The following SRRM4 variants were observed in gnomAD, a reference collection of about 807,000 sequenced individuals.
SRRM4 encodes serine/arginine repetitive matrix 4, also known as serine/arginine repetitive matrix protein 4.
In SRRM4, 33 loss-of-function variants were observed where a neutral mutation model predicts 68.9. The observed-to-expected ratio is 0.48, with a 90% CI of 0.36 to 0.64. SRRM4 has a LOEUF of 0.64. Among genes scored for constraint, SRRM4 ranks in the 30% least tolerant of loss-of-function variants. SRRM4 has a pLI of 0.00. For missense variants in SRRM4, 817 were observed against 827.1 expected (o/e 0.99, Z 0.15); for synonymous variants, 318 against 318.8 (o/e 1.00, Z 0.03).
At chr12:119,012,410 G>A (rs990102886) in intron 1 of SRRM4, among the ~76,000 whole-genome samples, 1 of 152,184 alleles carries the variant, frequency 6.6e-6, no homozygotes, top group Non-Finnish European at 1.5e-5. Context: ...ACATTCCTCA[G>A]AGACAAAGCT....
At chr12:119,014,047 A>T (rs998352393) in intron 1 of SRRM4, among the ~76,000 whole-genome samples, 2 of 152,084 alleles carry the variant, frequency 1.3e-5, no homozygotes, top group African/African-American at 4.8e-5. Context: ...AAGCTCTTTC[A>T]TCTATCCATT....
intron 1 of SRRM4, among the ~76,000 whole-genome samples, chr12:119,089,742 T>C (rs918380740): frequency 3.3e-5 from 3 of 91,826 alleles, no homozygotes; most frequent in African/African-American, 1.3e-4. Context: ...GCCATCATCC[T>C]CAATATCATC....
chr12:119,054,710 T>A (rs1204677770), intron 1 of SRRM4, among the ~76,000 whole-genome samples: 1 of 152,200 alleles, frequency 6.6e-6, no homozygotes. Context: ...TCCAGATAGA[T>A]CCAGGAGCTA....
At chr12:119,145,302 G>T (rs1954394063) in intron 8 of SRRM4, 79 bp from the exon 9 acceptor site, 5 of 1,241,034 alleles carry the variant, frequency 4.0e-6, no homozygotes, top group Non-Finnish European at 5.6e-6. Flanking sequence ...GCATCATGAC[G>T]GTAAACATTT....
intron 1 of SRRM4, chr12:119,000,864 C>T (rs147062501): frequency 6.6e-6 from 1 of 152,174 alleles, no homozygotes; most frequent in Non-Finnish European, 1.5e-5. Context: ...TCTTTCATTT[C>T]CTATCCTCTT....
At chr12:119,053,320 G>A (rs550414128) in intron 1 of SRRM4, among the ~76,000 whole-genome samples, 1 of 152,148 alleles carries the variant, frequency 6.6e-6, no homozygotes, top group South Asian at 2.1e-4. Context: ...CATGTATCAA[G>A]TTAAAAAGTA....
chr12:118,995,409 T>C (rs1953342954), intron 1 of SRRM4, among the ~76,000 whole-genome samples: 1 of 152,204 alleles, frequency 6.6e-6, no homozygotes, highest in Non-Finnish European at 1.5e-5. Context: ...AGGAGCACCA[T>C]ATGGAAACTA....
At chr12:119,124,847 C>A (rs547938300) in intron 6 of SRRM4, among the ~76,000 whole-genome samples, 4 of 152,214 alleles carry the variant, frequency 2.6e-5, no homozygotes, top group African/African-American at 9.6e-5. Flanking sequence ...AAATAAGCTT[C>A]CATTTAAAAT....
At chr12:119,026,697 C>T (rs1953550773) in intron 1 of SRRM4, among the ~76,000 whole-genome samples, 2 of 152,028 alleles carry the variant, frequency 1.3e-5, no homozygotes, top group Non-Finnish European at 2.9e-5. Flanking sequence ...TACCAGCGTG[C>T]ACCACCTCAC....
At chr12:119,090,216 CCAT>C (rs1226558657) in intron 1 of SRRM4, among the ~76,000 whole-genome samples, 1 of 151,984 alleles carries the variant, frequency 6.6e-6, no homozygotes, top group African/African-American at 2.4e-5. Flanking sequence ...AAATACTTAA[CCAT>C]CATTTTGCAT....
intron 8 of SRRM4, among the ~76,000 whole-genome samples, chr12:119,137,728 T>C (rs1018716407): frequency 1.3e-5 from 2 of 152,052 alleles, no homozygotes; most frequent in African/African-American, 4.8e-5. Context: ...GAAAAACATT[T>C]TGTATTTAAA....
chr12:119,093,541 A>G (rs11064659), intron 1 of SRRM4, among the ~76,000 whole-genome samples: 32,316 of 152,128 alleles, frequency 0.21, 4,140 homozygotes, highest in South Asian at 0.28. Context: ...GCAAGAAAAC[A>G]TAATTAGCAA....
At chr12:119,012,143 C>T (rs1953453313) in intron 1 of SRRM4, among the ~76,000 whole-genome samples, 1 of 152,186 alleles carries the variant, frequency 6.6e-6, no homozygotes, top group South Asian at 2.1e-4. Context: ...TTTTCTTTTT[C>T]ACCTCCCTGG....
intron 1 of SRRM4, among the ~76,000 whole-genome samples, chr12:119,101,709 A>G (rs1954078747): frequency 6.6e-6 from 1 of 152,112 alleles, no homozygotes; most frequent in Admixed American, 6.5e-5. Context: ...ACATATAGGT[A>G]GTCCATACAG....
chr12:119,042,963 C>T (rs769784445), intron 1 of SRRM4, among the ~76,000 whole-genome samples: 2 of 152,082 alleles, frequency 1.3e-5, no homozygotes, highest in Non-Finnish European at 2.9e-5. Flanking sequence ...TTAGTTCCAC[C>T]ATTGTGGGAG....
chr12:119,052,137 C>A (rs1385001875), intron 1 of SRRM4, among the ~76,000 whole-genome samples: 4 of 152,170 alleles, frequency 2.6e-5, no homozygotes, highest in African/African-American at 4.8e-5. Flanking sequence ...AGATGCAATG[C>A]GCCCAATTCA....
intron 1 of SRRM4, among the ~76,000 whole-genome samples, chr12:119,054,721 G>A (rs1309593251): frequency 1.3e-5 from 2 of 152,196 alleles, no homozygotes; most frequent in African/African-American, 4.8e-5. Context: ...CCAGGAGCTA[G>A]AGCAATGTCA....
In SRRM4 at chr12:119,120,265, G is replaced by A; in HGVS notation, c.453G>A (p.Lys151=). 6.5e-7 allele frequency: 1 copy of A among 1,549,192 alleles called. No individual in the cohort carries two copies. ...KHKRRRSFSK[K]RRHSSSSPKS... ...TTCTTTTCAGGTCATTCTCCAAGAA[G>A]AGAAGGCACAGGTAAGACTCTTGTT... Residue 151 remains lysine, a synonymous_variant, in exon 5 of 13, where the codon AAG becomes AAA. Coordinates refer to ENST00000267260, the MANE Select transcript of SRRM4 (RefSeq NM_194286.4).
At chr12:119,050,347 T>G (rs1456924213) in intron 1 of SRRM4, among the ~76,000 whole-genome samples, 2 of 152,230 alleles carry the variant, frequency 1.3e-5, no homozygotes, top group African/African-American at 4.8e-5. Flanking sequence ...CACCTACATG[T>G]GCCAGGTTCT....
Sources: gnomAD v4.1 joint callset for allele counts (sites outside exome capture counted in the v4.1 genomes callset) on GRCh38, gnomAD v4.1.1 for gene constraint, MANE v1.5 for transcripts, NCBI Gene and HGNC (gene_info 2026-07-23, HGNC 2026-07-21) for gene names.